MAST4: variants seen among roughly 807,000 people sequenced by gnomAD.
The protein encoded by MAST4 is microtubule-associated serine/threonine-protein kinase 4.
MAST4 carries 89 observed loss-of-function variants against 162.7 expected under a neutral mutation model. The ratio of observed to expected loss-of-function variants is 0.55; its 90% CI spans 0.46 to 0.65. The LOEUF is 0.65. MAST4 is among the 30% of genes least tolerant of loss of function. The probability of loss-of-function intolerance (pLI) is 0.00; values close to 1 mark genes in which losing one functional copy is unlikely to be tolerated. For missense variants in MAST4, 3,153 were observed against 3,374.0 expected (o/e 0.93, Z 1.62); for synonymous variants, 1,479 against 1,361.1 (o/e 1.09, Z -1.91).
intron 4 of MAST4, among the ~76,000 whole-genome samples, chr5:66,946,019 T>G (rs1200454376): frequency 6.6e-6 from 1 of 152,166 alleles, no homozygotes; most frequent in Non-Finnish European, 1.5e-5. Flanking sequence ...CTTTCTCTTC[T>G]TCCCATCTTG....
chr5:66,629,234 A>G (rs1042940309), intron 1 of MAST4, among the ~76,000 whole-genome samples: 1 of 152,148 alleles, frequency 6.6e-6, no homozygotes, highest in Non-Finnish European at 1.5e-5. Context: ...TTGGCATATA[A>G]AATATGTTCT....
intron 1 of MAST4, among the ~76,000 whole-genome samples, chr5:66,743,460 T>G (rs747449325): frequency 9.2e-5 from 14 of 152,212 alleles, no homozygotes; most frequent in Non-Finnish European, 1.8e-4. Context: ...AAGCAAGCCC[T>G]AAGTTCCTGC....
chr5:66,820,504 G>C (rs767105191), intron 3 of MAST4, among the ~76,000 whole-genome samples: 9 of 152,134 alleles, frequency 5.9e-5, no homozygotes, highest in Non-Finnish European at 1.2e-4. Context: ...AGCGTTAGCT[G>C]TGCATCATTT....
chr5:66,997,423 TTTC>T (rs1307876210), intron 4 of MAST4, among the ~76,000 whole-genome samples: 1 of 151,222 alleles, frequency 6.6e-6, no homozygotes. Flanking sequence ...ATGTGTTTTT[TTTC>T]TTTTCTCTTT....
At chr5:66,803,970 G>A (rs980841730) in intron 3 of MAST4, among the ~76,000 whole-genome samples, 3 of 151,590 alleles carry the variant, frequency 2.0e-5, no homozygotes, top group African/African-American at 7.3e-5. Context: ...TGTATCAGGT[G>A]AAGAATACCC....
intron 3 of MAST4, among the ~76,000 whole-genome samples, chr5:66,895,938 C>T (rs140067809): frequency 1.3e-5 from 2 of 152,236 alleles, no homozygotes; most frequent in African/African-American, 4.8e-5. Context: ...ATGTTGGCAT[C>T]ATATATAACC....
chr5:66,672,664 T>A (rs1747680489), intron 1 of MAST4, among the ~76,000 whole-genome samples: 1 of 152,158 alleles, frequency 6.6e-6, no homozygotes, highest in African/African-American at 2.4e-5. Flanking sequence ...CTGTGATGCA[T>A]CCACTGCAGT....
At chr5:66,762,387 T>G (rs1029021818) in intron 2 of MAST4, among the ~76,000 whole-genome samples, 1 of 152,062 alleles carries the variant, frequency 6.6e-6, no homozygotes, top group Non-Finnish European at 1.5e-5. Flanking sequence ...TGAAATAATA[T>G]ACACAAAGCA....
chr5:67,086,789 T>G (rs1308595993), intron 5 of MAST4, among the ~76,000 whole-genome samples: 1 of 152,192 alleles, frequency 6.6e-6, no homozygotes, highest in East Asian at 1.9e-4. Flanking sequence ...GGAGTGAAGG[T>G]CATGTATAAG....
intron 4 of MAST4, among the ~76,000 whole-genome samples, chr5:67,032,152 C>G (rs1445856771): frequency 6.6e-6 from 1 of 152,140 alleles, no homozygotes; most frequent in Non-Finnish European, 1.5e-5. Context: ...TACCTGTAAT[C>G]CATTTTAGAT....
At chr5:67,016,338 T>C (rs1561535830) in intron 4 of MAST4, among the ~76,000 whole-genome samples, 1 of 152,338 alleles carries the variant, frequency 6.6e-6, no homozygotes, top group East Asian at 1.9e-4. Flanking sequence ...TACTATCTTA[T>C]GGCCAAAAGA....
At chr5:66,605,736 T>TGGGTTCTC (rs1470975507) in intron 1 of MAST4, among the ~76,000 whole-genome samples, 1 of 152,172 alleles carries the variant, frequency 6.6e-6, no homozygotes, top group African/African-American at 2.4e-5. Context: ...CGGTGATTGT[T>TGGGTTCTC]GGGTTCTCGC....
intron 2 of MAST4, among the ~76,000 whole-genome samples, chr5:66,773,017 G>A (rs1382652895): frequency 6.6e-6 from 1 of 152,160 alleles, no homozygotes; most frequent in East Asian, 1.9e-4. Flanking sequence ...CTGCTGGTAG[G>A]TGTCCTGTCA....
intron 10 of MAST4, among the ~76,000 whole-genome samples, chr5:67,106,317 C>G (rs1212881880): frequency 6.6e-6 from 1 of 152,122 alleles, no homozygotes; most frequent in Non-Finnish European, 1.5e-5. Flanking sequence ...ATCTTTCTAC[C>G]TGGGCAGCCC....
intron 3 of MAST4, among the ~76,000 whole-genome samples, chr5:66,798,102 T>C (rs1052449616): frequency 6.6e-6 from 1 of 152,180 alleles, no homozygotes; most frequent in African/African-American, 2.4e-5. Context: ...CATGGTATTT[T>C]CCGGTACTTT....
chr5:66,743,955 T>C (rs1469861687), intron 1 of MAST4, among the ~76,000 whole-genome samples: 1 of 152,162 alleles, frequency 6.6e-6, no homozygotes, highest in Non-Finnish European at 1.5e-5. Context: ...TCTGGGGAAC[T>C]CAGGAGCTAA....
At chr5:66,955,357 G>GGGCAAGA (rs1435494707) in intron 4 of MAST4, among the ~76,000 whole-genome samples, 1 of 152,120 alleles carries the variant, frequency 6.6e-6, no homozygotes, top group African/African-American at 2.4e-5. Flanking sequence ...TAAGTGCAAA[G>GGGCAAGA]GGCAAGAGGC....
intron 4 of MAST4, among the ~76,000 whole-genome samples, chr5:66,941,907 G>A (rs919414204): frequency 3.3e-5 from 5 of 152,062 alleles, no homozygotes; most frequent in African/African-American, 7.2e-5. Flanking sequence ...ATGGGGGAAC[G>A]GCTGGTCGAT....
At chr5:66,837,370 A>T (rs541164556) in intron 3 of MAST4, among the ~76,000 whole-genome samples, 1 of 152,160 alleles carries the variant, frequency 6.6e-6, no homozygotes, top group Admixed American at 6.5e-5. Context: ...TCTTTGAACC[A>T]TCCAACAGTA....
Sources: allele counts gnomAD v4.1 joint callset (sites outside exome capture counted in the v4.1 genomes callset), GRCh38; gene constraint gnomAD v4.1.1; transcripts MANE v1.5; gene names NCBI Gene and HGNC (gene_info 2026-07-23, HGNC 2026-07-21).